SHPRH: variants seen among roughly 807,000 people sequenced by gnomAD.
SHPRH encodes the protein SNF2 histone linker PHD RING helicase.
SHPRH carries 106 observed loss-of-function variants against 202.5 expected under a neutral mutation model. The ratio of observed to expected loss-of-function variants is 0.52; its 90% CI spans 0.45 to 0.62. SHPRH has a LOEUF of 0.62. Among genes scored for constraint, SHPRH ranks in the 20% least tolerant of loss-of-function variants. SHPRH has a pLI of 0.00. For missense variants in SHPRH, 1,710 were observed against 2,020.0 expected, an observed-to-expected ratio of 0.85 and a Z score of 2.94; for synonymous variants, 729 against 686.0, an observed-to-expected ratio of 1.06 and a Z score of -0.98.
chr6:145,951,722 G>A, intron 3 of SHPRH: 1 of 449,952 alleles, frequency 2.2e-6, no homozygotes, highest in Non-Finnish European at 4.5e-6. Flanking sequence ...ATCGAAGTTA[G>A]AAACTGATTT....
At chr6:145,939,438 T>C (rs1270468312) in intron 11 of SHPRH, among the ~76,000 whole-genome samples, 3 of 152,176 alleles carry the variant, frequency 2.0e-5, no homozygotes, top group African/African-American at 7.2e-5. Flanking sequence ...TAGGAATTTG[T>C]TGAATGGTGA....
chr6:145,924,045 G>A (rs1001139175), intron 17 of SHPRH, among the ~76,000 whole-genome samples: 1 of 151,786 alleles, frequency 6.6e-6, no homozygotes, highest in Non-Finnish European at 1.5e-5. Context: ...ATATAACAAA[G>A]CTGTAACTAA....
intron 9 of SHPRH, among the ~76,000 whole-genome samples, chr6:145,942,217 G>A (rs888832010): frequency 1.1e-4 from 16 of 152,150 alleles, no homozygotes; most frequent in Non-Finnish European, 2.1e-4. Context: ...GTAGGTAGGA[G>A]GATGGAATCA....
rs1464336221 is a variant in SHPRH, at chr6:145,886,696, C to T, written c.5047G>A (p.Glu1683Lys). ...DLFTKETEELE is the reference protein window; with the variant it reads ...DLFTKETEELK ...TGGAATGAATCAAGTGTAGTTCATT[C>T]AAGCTCTTCAGTTTCTTTGGTAAAT... The change falls in exon 30 of 30, where the codon GAA (glutamate) becomes AAA (lysine). Residue 1683 changes from glutamate (E) to lysine (K), a missense_variant. By Grantham distance (56) the Glu-to-Lys change is moderately conservative. Around this residue, in one of 8 missense-constraint regions of SHPRH, gnomAD observed 306 missense variants for 479.5 expected, o/e 0.64. Transcript: ENST00000275233. 2 of 1,613,148 alleles carry T rather than the reference C, an allele frequency of 1.2e-6. No individual in the cohort carries two copies. The highest frequency in any genetic ancestry group is 2.2e-5 in the East Asian group (1 of 44,820).
intron 25 of SHPRH, among the ~76,000 whole-genome samples, chr6:145,895,398 A>G (rs1462242402): frequency 6.6e-6 from 1 of 152,074 alleles, no homozygotes; most frequent in African/African-American, 2.4e-5. Flanking sequence ...AAAACTCCCA[A>G]TGTAAGCAAA....
chr6:145,945,537 G>GT lies in SHPRH; in HGVS notation c.1421dup (p.Tyr474Ter). ...AAAGACTCCTGTTCCGTTGAACATC[G>GT]TATCTATATATAGAACTGACATACT... ...IYKYVSSIYR[Y>*]DVQRNRSLLK... Residue 474 changes from tyrosine to a stop codon, truncating the protein, a stop_gained and frameshift_variant, in exon 8 of 30, where the codon TAC (tyrosine) becomes TAAC (stop). Coordinates refer to ENST00000275233, the MANE Select transcript of SHPRH (RefSeq NM_001042683.3). LOFTEE classifies it high-confidence loss of function. 2 of 1,613,102 alleles carry GT rather than the reference G, an allele frequency of 1.2e-6. No individual in the cohort carries two copies. The highest frequency in any genetic ancestry group is 1.7e-6 in the Non-Finnish European group (2 of 1,179,532).
intron 2 of SHPRH, among the ~76,000 whole-genome samples, chr6:145,867,631 T>TATATATATATATATAGAGAG (rs1554220329): frequency 1.3e-4 from 3 of 22,316 alleles, no homozygotes; most frequent in African/African-American, 6.5e-4. Context: ...TATATATATA[T>TATATATATATATATAGAGAG]AGAGAGAGAG....
intron 17 of SHPRH, among the ~76,000 whole-genome samples, chr6:145,924,144 C>G (rs79127165): frequency 6.6e-6 from 1 of 151,828 alleles, no homozygotes; most frequent in African/African-American, 2.4e-5. Flanking sequence ...AGAAAGAAAG[C>G]CTTCATTCTA....
chr6:145,933,981 C>T (rs74612204), intron 13 of SHPRH, among the ~76,000 whole-genome samples: 35 of 152,220 alleles, frequency 2.3e-4, no homozygotes, highest in African/African-American at 8.2e-4. Context: ...ATCTGGAGTA[C>T]AGCCAAAACC....
At chr6:145,932,295 G>A (rs908387500) in intron 14 of SHPRH, among the ~76,000 whole-genome samples, 5 of 152,116 alleles carry the variant, frequency 3.3e-5, no homozygotes, top group African/African-American at 9.7e-5. Context: ...TAGAGTAACA[G>A]ACAATGGATT....
Position 145,933,145 on chromosome 6 carries a change from C to CA in SHPRH, c.3023dup (p.Leu1008PhefsTer8). 2 of 1,613,884 alleles carry CA rather than the reference C, an allele frequency of 1.2e-6. No homozygotes were observed. Among genetic ancestry groups the CA allele is most frequent in the Non-Finnish European group, 1.7e-6 (2 of 1,179,914 alleles). On this transcript the variant is annotated frameshift_variant, in exon 14 of 30. Transcript: ENST00000275233. LOFTEE classifies it high-confidence loss of function. ...CACATTCAGTTCCACATTTCTTCTG[C>CA]AAAGATGTCAGCAGCTCTTCCATTG...
intron 2 of SHPRH, among the ~76,000 whole-genome samples, chr6:145,865,839 A>G (rs1480695383): frequency 6.6e-6 from 1 of 151,906 alleles, no homozygotes; most frequent in Non-Finnish European, 1.5e-5. Context: ...TTCATTTCCT[A>G]TTTTTTTTCT....
chr6:145,924,278 A>C (rs1470600169), intron 17 of SHPRH, among the ~76,000 whole-genome samples: 2 of 121,998 alleles, frequency 1.6e-5, no homozygotes, highest in Admixed American at 1.0e-4. Context: ...CCTGATTTAA[A>C]AACTGAAAAT....
downstream of SHPRH, among the ~76,000 whole-genome samples, chr6:145,882,350 C>A (rs1038600508): frequency 6.6e-6 from 1 of 152,082 alleles, no homozygotes; most frequent in Non-Finnish European, 1.5e-5. Flanking sequence ...GAAGGCAAAT[C>A]TGAGTGCAGG....
intron 14 of SHPRH, among the ~76,000 whole-genome samples, chr6:145,932,772 T>C (rs1785612406): frequency 6.6e-6 from 1 of 152,212 alleles, no homozygotes; most frequent in African/African-American, 2.4e-5. Context: ...TATTAAAGTC[T>C]AAGATTAACA....
intron 2 of SHPRH, among the ~76,000 whole-genome samples, chr6:145,875,041 T>C (rs1279724020): frequency 1.3e-5 from 2 of 152,154 alleles, no homozygotes; most frequent in African/African-American, 2.4e-5. Flanking sequence ...AGCACTGATA[T>C]AAGTCTCAAG....
Position 145,952,399 on chromosome 6 carries a change from T to C in SHPRH, c.713A>G (p.Asn238Ser), listed in dbSNP as rs1378635557. ...SDANSRMKKF[N>S]QLMKKVMEKL... ...TTCCATTACTTTCTTCATGAGCTGA[T>C]TGAACTTTTTCATTCTTGAATTTGC... The change falls in exon 3 of 30, where the codon AAT becomes AGT. Residue 238 changes from asparagine to serine, a missense_variant. Physicochemically the swap from Asn to Ser is conservative, Grantham distance 46 (BLOSUM62 1). Around this residue, in one of 8 missense-constraint regions of SHPRH, gnomAD observed 459 missense variants for 426.5 expected, o/e 1.08. Transcript: ENST00000275233. 5.6e-6 allele frequency: 9 copies of C among 1,610,926 alleles called. No homozygotes were observed. The highest frequency in any genetic ancestry group is 2.2e-5 in the East Asian group (1 of 44,726).
chr6:145,879,389 T>A (rs1664408270), intron 2 of SHPRH, among the ~76,000 whole-genome samples: 1 of 152,146 alleles, frequency 6.6e-6, no homozygotes, highest in African/African-American at 2.4e-5. Context: ...ACCATATATT[T>A]TGGGAGAAAG....
At chr6:145,960,561 G>A (rs1011416920) in intron 1 of SHPRH, among the ~76,000 whole-genome samples, 4 of 152,148 alleles carry the variant, frequency 2.6e-5, no homozygotes, top group Non-Finnish European at 5.9e-5. Flanking sequence ...GTGGCTTAAA[G>A]GTGAGAATGC....
Sources: allele counts gnomAD v4.1 joint callset (sites outside exome capture counted in the v4.1 genomes callset), GRCh38; gene constraint gnomAD v4.1.1; regional missense constraint gnomAD v4.1.1; transcripts MANE v1.5; gene names NCBI Gene and HGNC (gene_info 2026-07-23, HGNC 2026-07-21).